Variants in BPIFB1 observed in about 807,000 individuals in gnomAD.
BPIFB1 encodes the protein BPI fold containing family B member 1.
A neutral mutation model predicts 55.1 loss-of-function variants in BPIFB1; 34 were observed. The ratio of observed to expected loss-of-function variants is 0.62; its 90% confidence interval spans 0.47 to 0.82. The LOEUF is 0.82. BPIFB1 is among the 40% of genes least tolerant of loss of function. The probability of loss-of-function intolerance (pLI) is 0.00; values close to 1 mark genes in which losing one functional copy is unlikely to be tolerated. For missense variants in BPIFB1, 532 were observed against 593.1 expected, an observed-to-expected ratio of 0.90 and a Z score of 1.07; for synonymous variants, 236 against 245.3, an observed-to-expected ratio of 0.96 and a Z score of 0.35.
intron 14 of BPIFB1, 43 bp downstream of exon 14, chr20:33,306,108 T>C (rs747320992): frequency 6.2e-7 from 1 of 1,604,080 alleles, no homozygotes; most frequent in Non-Finnish European, 8.5e-7. Flanking sequence ...CCCCAGGGCT[T>C]GGCTTTACTT....
At chr20:33,305,510 G>C (rs1227800575) in intron 13 of BPIFB1, among the ~76,000 whole-genome samples, 1 of 151,668 alleles carries the variant, frequency 6.6e-6, no homozygotes, top group Non-Finnish European at 1.5e-5. Flanking sequence ...GTAGAGACAG[G>C]GTTTCACCAT....
Position 33,302,392 on chromosome 20 carries a change from A to G in BPIFB1, c.961A>G (p.Ile321Val). The G allele has an allele frequency of 6.2e-7, 1 of 1,613,926 alleles. No homozygotes were observed. The highest frequency in any genetic ancestry group is 2.2e-5 in the East Asian group (1 of 44,826). Residue 321 changes from isoleucine to valine, a missense_variant, in exon 10 of 16, where the codon ATC (isoleucine) becomes GTC (valine). Transcript: ENST00000253354. ...PESAHRLKSS[I>V]GLINEKAADK... ...GAGTGCCCATCGGCTGAAGTCAAGCATCGGGCTGATCAATGAAAAGGTTGG... is the reference window on the plus strand; with the variant it reads ...GAGTGCCCATCGGCTGAAGTCAAGCGTCGGGCTGATCAATGAAAAGGTTGG...
At position 33,301,346 on chromosome 20, in the gene BPIFB1, C is replaced by T. The variant is rs752971264; in HGVS notation, c.861C>T (p.Asp287=). 13 of 1,614,094 alleles carry T rather than the reference C, an allele frequency of 8.1e-6. No homozygotes were observed. In the East Asian group the frequency reaches 1.3e-4, roughly 17 times the overall value. The change falls in exon 9 of 16, where the codon GAC becomes GAT. Residue 287 remains aspartate, a synonymous_variant. Transcript: ENST00000253354. ...CGTTCAGCCTCATCGTGAGTCAGGA[C>T]GTGGTGAAAGCTGCAGTGGCTGCTG... is the stretch of plus-strand genomic sequence containing the variant. ...NIPFSLIVSQ[D]VVKAAVAAVL...
At chr20:33,299,349 G>C (rs184573079) in intron 7 of BPIFB1, 105 of 340,758 alleles carry the variant, frequency 3.1e-4, no homozygotes, top group South Asian at 7.6e-4. Flanking sequence ...GAGATCTTTG[G>C]GGGGAGCAGA....
intron 7 of BPIFB1, among the ~76,000 whole-genome samples, chr20:33,298,124 C>G (rs62209750): frequency 6.6e-6 from 1 of 152,098 alleles, no homozygotes; most frequent in African/African-American, 2.4e-5. Context: ...AGCCCCCGGA[C>G]TAGTTTTTAT....
intron 1 of BPIFB1, among the ~76,000 whole-genome samples, chr20:33,285,550 A>G (rs1980238273): frequency 6.7e-6 from 1 of 150,258 alleles, no homozygotes; most frequent in Non-Finnish European, 1.5e-5. Context: ...CGTCTCTACT[A>G]AAAATACAAA....
intron 6 of BPIFB1, among the ~76,000 whole-genome samples, chr20:33,296,830 G>T (rs1421092617): frequency 6.6e-6 from 1 of 152,248 alleles, no homozygotes; most frequent in Non-Finnish European, 1.5e-5. Context: ...CAGGAGTCTG[G>T]TTGGGTCTGC....
intron 10 of BPIFB1, 123 bp from the exon 11 acceptor site, chr20:33,302,793 G>A (rs992810026): frequency 2.6e-5 from 28 of 1,084,306 alleles, no homozygotes; most frequent in Non-Finnish European, 3.7e-5. Context: ...AGAAGGACAG[G>A]GTGGCTGGAA....
At chr20:33,294,404 G>A (rs966656526) in intron 6 of BPIFB1, among the ~76,000 whole-genome samples, 1 of 152,142 alleles carries the variant, frequency 6.6e-6, no homozygotes, top group African/African-American at 2.4e-5. Flanking sequence ...TGATCTCAAA[G>A]TTCAAGACAA....
At chr20:33,305,664 T>C (rs1425751681) in intron 13 of BPIFB1, among the ~76,000 whole-genome samples, 3 of 152,186 alleles carry the variant, frequency 2.0e-5, no homozygotes, top group Admixed American at 6.5e-5. Flanking sequence ...TCAGGACTTC[T>C]GGCTTCCCTC....
In BPIFB1 at chr20:33,297,600, GCT is replaced by G; in HGVS notation, c.661+20_661+21del. Reference sequence around the variant, plus strand: ...GCAGCTGGTGAAGGGTAGGTGCTCTGCTCTCTCTCCCACTTTTTCCTTTACTA... The same window carrying G: ...GCAGCTGGTGAAGGGTAGGTGCTCTGCTCTCTCCCACTTTTTCCTTTACTA... On this transcript the variant is annotated intron_variant, in intron 7 of 15. Coordinates refer to ENST00000253354, the MANE Select transcript of BPIFB1 (RefSeq NM_033197.3). 1 of 1,614,028 alleles carries G rather than the reference GCT, an allele frequency of 6.2e-7. No homozygotes were observed. The highest frequency in any genetic ancestry group is 8.5e-7 in the Non-Finnish European group (1 of 1,179,914).
chr20:33,305,178 C>T (rs2146535885), intron 13 of BPIFB1, among the ~76,000 whole-genome samples: 1 of 152,266 alleles, frequency 6.6e-6, no homozygotes, highest in African/African-American at 2.4e-5. Flanking sequence ...GCCCTTGACT[C>T]ACAATCTCAT....
chr20:33,283,810 G>A (rs1980178400), intron 1 of BPIFB1, among the ~76,000 whole-genome samples: 1 of 152,086 alleles, frequency 6.6e-6, no homozygotes. Flanking sequence ...GGGCGTGTGT[G>A]GTGCCTGGAT....
rs751060384 is a variant in BPIFB1 at position 33,302,954 on chromosome 20, C to T, written c.1020C>T (p.Ile340=). ...TGGGATCTACCCAGATCGTGAAGAT[C>T]CTAACTCAGGACACTCCCGAGTTTT... ...DKLGSTQIVK[I]LTQDTPEFFI... is the part of the protein sequence containing the mutation. Residue 340 remains isoleucine, a synonymous_variant, in exon 11 of 16, where the codon ATC becomes ATT. Coordinates refer to ENST00000253354, the MANE Select transcript of BPIFB1 (RefSeq NM_033197.3). The T allele has an allele frequency of 2.5e-6, 4 of 1,614,170 alleles. No homozygotes were observed. The South Asian group carries it at 4.4e-5, about 18-fold the overall frequency.
At position 33,301,218 on chromosome 20, in the gene BPIFB1, G is replaced by A; in HGVS notation, c.748-15G>A. The A allele has an allele frequency of 6.2e-7, 1 of 1,611,300 alleles. No homozygotes were observed. Among genetic ancestry groups the A allele is most frequent in the Non-Finnish European group, 8.5e-7 (1 of 1,177,694 alleles). On this transcript the variant is annotated splice_polypyrimidine_tract_variant and intron_variant, in intron 8 of 15. Coordinates refer to ENST00000253354, the MANE Select transcript of BPIFB1 (RefSeq NM_033197.3). ...AGTTAAAATTCTTAGCTGACTCCCTGCTCTGTCTCCTCAGGCCAAGTTGTT... is the reference window on the plus strand; with the variant it reads ...AGTTAAAATTCTTAGCTGACTCCCTACTCTGTCTCCTCAGGCCAAGTTGTT...
intron 1 of BPIFB1, 24 bp from the exon 2 acceptor site, chr20:33,286,009 C>T: frequency 6.6e-7 from 1 of 1,511,370 alleles, no homozygotes; most frequent in Middle Eastern, 1.9e-4. Context: ...CCCTCTGCCT[C>T]AGGTCCCTCT....
At chr20:33,304,694 T>A in intron 12 of BPIFB1, 152 bp from the exon 13 acceptor site, 37 of 618,592 alleles carry the variant, frequency 6.0e-5, no homozygotes, top group East Asian at 7.7e-5. Context: ...GCCATTAGAA[T>A]GCAAGCTCCA....
chr20:33,284,074 T>C (rs1055304645), intron 1 of BPIFB1, among the ~76,000 whole-genome samples: 17 of 152,220 alleles, frequency 1.1e-4, no homozygotes, highest in African/African-American at 4.1e-4. Context: ...ATACCTGTCA[T>C]AATTATCGTG....
At chr20:33,295,338 G>T (rs181281466) in intron 6 of BPIFB1, among the ~76,000 whole-genome samples, 1 of 151,468 alleles carries the variant, frequency 6.6e-6, no homozygotes, top group Admixed American at 6.6e-5. Flanking sequence ...GGTCGTGGCG[G>T]CTCACTCCTA....
Sources: gnomAD v4.1 joint callset for allele counts (sites outside exome capture counted in the v4.1 genomes callset) on GRCh38, gnomAD v4.1.1 for gene constraint, MANE v1.5 for transcripts, NCBI Gene and HGNC (gene_info 2026-07-23, HGNC 2026-07-21) for gene names.